Variants in ACP3 observed in about 807,000 individuals in gnomAD.
The protein encoded by ACP3 is prostatic acid phosphatase.
In ACP3, 38 loss-of-function variants were observed where a neutral mutation model predicts 45.6. That is an observed-to-expected ratio of 0.83 (90% CI 0.64 to 1.09). The LOEUF (loss-of-function observed/expected upper bound fraction) is 1.09, where lower values mean the gene tolerates loss of function less well. Ranked by LOEUF, ACP3 falls within the 50% of genes least tolerant of loss-of-function variation. The pLI is 0.00. For synonymous variants in ACP3, 162 were observed against 164.7 expected (o/e 0.98, Z 0.13); for missense variants, 466 against 463.2 (o/e 1.01, Z -0.05).
intron 7 of ACP3, among the ~76,000 whole-genome samples, chr3:132,348,549 T>C (rs34968923): frequency 0.48 from 72,177 of 151,898 alleles, 17,953 homozygotes; most frequent in Middle Eastern, 0.65. Flanking sequence ...GCAGCCTGAC[T>C]AAAAGGCACT....
chr3:132,325,757 T>C (rs1236995014), intron 1 of ACP3, among the ~76,000 whole-genome samples: 1 of 152,166 alleles, frequency 6.6e-6, no homozygotes, highest in Non-Finnish European at 1.5e-5. Flanking sequence ...GGTGGTTAAG[T>C]ATGCTGGAGT....
chr3:132,352,762 T>C lies in ACP3; in HGVS notation c.907T>C (p.Tyr303His), dbSNP rs766784675. 25 of 1,613,884 alleles carry C rather than the reference T, an allele frequency of 1.5e-5. No individual in the cohort carries two copies. The highest frequency in any genetic ancestry group is 2.1e-5 in the Non-Finnish European group (25 of 1,179,870). The change falls in exon 9 of 10, where the codon TAC becomes CAC. Residue 303 changes from tyrosine to histidine, a missense_variant. Tyr to His is a moderately conservative substitution (Grantham distance 83). Coordinates refer to ENST00000336375, the MANE Select transcript of ACP3 (RefSeq NM_001099.5). Reference protein sequence around the residue: ...VSGLQMALDVYNGLLPPYASC... With the variant: ...VSGLQMALDVHNGLLPPYASC... Reference sequence around the variant, plus strand: ...TGGCCTACAGATGGCGCTAGATGTTTACAACGGACTCCTTCCTCCCTATGC... The same window carrying C: ...TGGCCTACAGATGGCGCTAGATGTTCACAACGGACTCCTTCCTCCCTATGC...
At chr3:132,337,625 C>G in intron 5 of ACP3, 71 bp downstream of exon 5, 6 of 931,832 alleles carry the variant, frequency 6.4e-6, no homozygotes, top group Non-Finnish European at 9.9e-6. Context: ...GGCCAAGACA[C>G]AAGATGAAGC....
chr3:132,336,566 C>T (rs1022771680), intron 4 of ACP3, among the ~76,000 whole-genome samples: 6 of 152,226 alleles, frequency 3.9e-5, no homozygotes, highest in African/African-American at 1.4e-4. Context: ...AAGTTGAATT[C>T]ATTTTAATAT....
intron 10 of ACP3, chr3:132,367,609 A>G (rs1220766108): frequency 2.1e-6 from 2 of 962,864 alleles, no homozygotes; most frequent in South Asian, 2.8e-5. Flanking sequence ...CTCCTCTGAA[A>G]TTTGCAATTA....
rs202047976 is a variant in ACP3 at position 132,328,350 on chromosome 3, C to G, written c.204C>G (p.Gly68=). 3.8e-5 allele frequency: 61 copies of G among 1,613,234 alleles called. No homozygotes were observed. In the South Asian group the frequency reaches 4.4e-4, roughly 12 times the overall value. ...IKESSWPQGF[G]QLTQLGMEQH... ...AATCCTCATGGCCACAAGGATTTGG[C>G]CAACTCACCCAGGTTGGTTGGACTT... is the stretch of plus-strand genomic sequence containing the variant. Residue 68 remains glycine (G), a synonymous_variant, in exon 2 of 10, where the codon GGC becomes GGG. Coordinates refer to ENST00000336375, the MANE Select transcript of ACP3 (RefSeq NM_001099.5).
chr3:132,322,768 C>T (rs1445974530), intron 1 of ACP3, among the ~76,000 whole-genome samples: 1 of 152,210 alleles, frequency 6.6e-6, no homozygotes, highest in Admixed American at 6.5e-5. Context: ...CATGTTGAAA[C>T]TTAATCCCAA....
In ACP3 at chr3:132,336,742, GA is replaced by G. The variant is rs900339845; in HGVS notation, c.457-706del. On this transcript the variant is annotated intron_variant, in intron 4 of 9. Coordinates refer to ENST00000336375, the MANE Select transcript of ACP3 (RefSeq NM_001099.5). ...AGCCTTGTACATGTTAAATTTGAGG[GA>G]AAAAAAATGCAAATTAGTTATTTCT... is the stretch of plus-strand genomic sequence containing the variant. 9.8e-4 allele frequency among the ~76,000 whole-genome samples: 149 copies of G among 151,556 alleles called. 1 individual carries two copies. The highest frequency in any genetic ancestry group is 2.9e-3 in the African/African-American group (118 of 41,320).
At chr3:132,339,250 C>G (rs111247733) in intron 5 of ACP3, among the ~76,000 whole-genome samples, 8,104 of 152,186 alleles carry the variant, frequency 0.053, 281 homozygotes, top group Middle Eastern at 0.16. Context: ...AAAAAACACA[C>G]TCAATGTGTT....
intron 4 of ACP3, chr3:132,332,649 C>T (rs1213743544): frequency 7.3e-6 from 2 of 272,792 alleles, no homozygotes; most frequent in Non-Finnish European, 1.4e-5. Context: ...ATAGACAAGT[C>T]CCCCAGTGTT....
At chr3:132,352,388 G>C (rs1312413662) in intron 8 of ACP3, among the ~76,000 whole-genome samples, 1 of 148,584 alleles carries the variant, frequency 6.7e-6, no homozygotes, top group African/African-American at 2.5e-5. Context: ...AGTAGGGATG[G>C]GGTTTCACCA....
At position 132,320,737 on chromosome 3, in the gene ACP3, G is replaced by C. The variant is rs139098657; in HGVS notation, c.120+3161G>C. Reference sequence around the variant, plus strand: ...GTGATCTTGGCTCACTGCAACCTCCGTCTCCCAGGTTCAAGTGATTCTCCA... The same window carrying C: ...GTGATCTTGGCTCACTGCAACCTCCCTCTCCCAGGTTCAAGTGATTCTCCA... On this transcript the variant is annotated intron_variant, in intron 1 of 9. Coordinates refer to ENST00000336375, the MANE Select transcript of ACP3 (RefSeq NM_001099.5). Among the ~76,000 whole-genome samples the C allele has an allele frequency of 1.1e-4, 17 of 149,572 alleles. 2 individuals carry two copies. The highest frequency in any genetic ancestry group is 3.4e-4 in the Admixed American group (5 of 14,844).
At chr3:132,339,076 G>C (rs1480058111) in intron 5 of ACP3, among the ~76,000 whole-genome samples, 1 of 151,874 alleles carries the variant, frequency 6.6e-6, no homozygotes, top group Admixed American at 6.6e-5. Context: ...TCCCCTCTAT[G>C]TGTCCGTGTA....
chr3:132,361,495 A>G (rs1424683594), downstream of ACP3, among the ~76,000 whole-genome samples: 1 of 152,160 alleles, frequency 6.6e-6, no homozygotes, highest in Non-Finnish European at 1.5e-5. Flanking sequence ...AGTCAGTCAC[A>G]TGGTTTTTTC....
intron 4 of ACP3, among the ~76,000 whole-genome samples, chr3:132,333,149 C>T (rs1319727167): frequency 2.6e-5 from 4 of 152,160 alleles, no homozygotes; most frequent in African/African-American, 9.7e-5. Flanking sequence ...AAAATAATCT[C>T]CCTCGATGAT....
chr3:132,327,126 G>A (rs1344075871), intron 1 of ACP3, among the ~76,000 whole-genome samples: 1 of 152,198 alleles, frequency 6.6e-6, no homozygotes, highest in Non-Finnish European at 1.5e-5. Context: ...CTCCCCACCT[G>A]CAATCTTTTA....
intron 4 of ACP3, among the ~76,000 whole-genome samples, chr3:132,335,059 A>G (rs1189883422): frequency 6.6e-6 from 1 of 152,208 alleles, no homozygotes; most frequent in Admixed American, 6.5e-5. Context: ...CAATTTGTGG[A>G]TGAAAAAACT....
chr3:132,367,049 G>A (rs1051830214), intron 10 of ACP3, among the ~76,000 whole-genome samples: 5 of 152,102 alleles, frequency 3.3e-5, no homozygotes, highest in Admixed American at 3.3e-4. Flanking sequence ...GGTACAAACT[G>A]GTATTTATGA....
chr3:132,359,987 A>G (rs1375749686), downstream of ACP3, among the ~76,000 whole-genome samples: 1 of 152,206 alleles, frequency 6.6e-6, no homozygotes, highest in Admixed American at 6.5e-5. Context: ...GGCCTCTAAT[A>G]CAGTGAGTTC....
Sources: gnomAD v4.1 joint callset for allele counts (sites outside exome capture counted in the v4.1 genomes callset) on GRCh38, gnomAD v4.1.1 for gene constraint, MANE v1.5 for transcripts, NCBI Gene and HGNC (gene_info 2026-07-23, HGNC 2026-07-21) for gene names.